S100Z: variants seen among roughly 807,000 people sequenced by gnomAD.
S100Z encodes the protein protein S100-Z.
A neutral mutation model predicts 8.5 loss-of-function variants in S100Z; 11 were observed. The observed-to-expected ratio is 1.30, with a 90% CI of 0.82 to 2.15. S100Z has a LOEUF of 2.15. Among genes scored for constraint, S100Z ranks in the 30% most tolerant of loss-of-function variants. S100Z has a pLI of 0.00. For synonymous variants in S100Z, 34 were observed against 43.8 expected, an observed-to-expected ratio of 0.78 and a Z score of 0.89; for missense variants, 126 against 117.9, an observed-to-expected ratio of 1.07 and a Z score of -0.32.
At chr5:76,941,801 C>G in the S100Z span, among the ~76,000 whole-genome samples, 47 of 152,232 alleles carry the variant, frequency 3.1e-4, 1 homozygote, top group East Asian at 3.9e-4. Flanking sequence ...TATGCTCCCC[C>G]CCCTTGATGG....
chr5:76,901,189 G>A (rs771737610), intron 4 of S100Z, among the ~76,000 whole-genome samples: 6 of 152,170 alleles, frequency 3.9e-5, no homozygotes, highest in Admixed American at 1.3e-4. Context: ...AGCCAGCATA[G>A]CACTGGATCT....
At position 76,890,165 on chromosome 5, in the gene S100Z, AG is replaced by A. The variant is rs1743807829; in HGVS notation, c.*2+12333del. Among the ~76,000 whole-genome samples, 3 of 152,278 alleles carry A rather than the reference AG, an allele frequency of 2.0e-5. No individual in the cohort carries two copies. In the South Asian group the frequency reaches 6.2e-4, roughly 32 times the overall value. ...CAGCCTCCTGAGTAGCTGGGACTACAGGTGCATACAACCATGCCTGGCTAAT... is the reference window on the plus strand; with the variant it reads ...CAGCCTCCTGAGTAGCTGGGACTACAGTGCATACAACCATGCCTGGCTAAT... On this transcript the variant is annotated intron_variant, in intron 4 of 4. Transcript: ENST00000317593.
chr5:76,869,483 A>C (rs571092856), intron 1 of S100Z, among the ~76,000 whole-genome samples: 8 of 152,160 alleles, frequency 5.3e-5, no homozygotes, highest in Non-Finnish European at 1.0e-4. Flanking sequence ...GGCATGGAAG[A>C]ATGGGAGCTC....
intron 4 of S100Z, among the ~76,000 whole-genome samples, chr5:76,907,404 C>T (rs545402551): frequency 3.3e-5 from 5 of 151,976 alleles, no homozygotes; most frequent in African/African-American, 4.8e-5. Flanking sequence ...CCCTGGTTCA[C>T]GCCATTCTCC....
At chr5:76,934,681 C>T in the S100Z span, among the ~76,000 whole-genome samples, 173 of 152,318 alleles carry the variant, frequency 1.1e-3, no homozygotes, top group African/African-American at 3.9e-3. Context: ...GTGTTCCTCT[C>T]CTTCAGAGGA....
intron 4 of S100Z, among the ~76,000 whole-genome samples, chr5:76,889,271 T>C (rs915039857): frequency 1.3e-5 from 2 of 152,230 alleles, no homozygotes; most frequent in Non-Finnish European, 2.9e-5. Flanking sequence ...ACTTCACGTA[T>C]GTCTGTGTTG....
At chr5:76,863,248 T>A (rs989505455) in intron 1 of S100Z, among the ~76,000 whole-genome samples, 2 of 152,226 alleles carry the variant, frequency 1.3e-5, no homozygotes, top group Non-Finnish European at 2.9e-5. Context: ...TCTACTTCAT[T>A]GTCTGAATTG....
chr5:76,917,958 A>T (rs956327143), intron 4 of S100Z, among the ~76,000 whole-genome samples: 8 of 152,196 alleles, frequency 5.3e-5, no homozygotes, highest in Non-Finnish European at 1.2e-4. Flanking sequence ...TGCTCTTACA[A>T]ATAGTTCTAC....
At chr5:76,867,583 AC>A (rs1238166147) in intron 1 of S100Z, among the ~76,000 whole-genome samples, 7 of 127,724 alleles carry the variant, frequency 5.5e-5, no homozygotes, top group Non-Finnish European at 8.4e-5. Flanking sequence ...AATCATCCTT[AC>A]TTTTTTTTTT....
At chr5:76,895,765 C>CTTTTTTTTTTTTTTTTTTTTTTT (rs57723242) in intron 4 of S100Z, among the ~76,000 whole-genome samples, 4 of 88,336 alleles carry the variant, frequency 4.5e-5, no homozygotes, top group East Asian at 3.7e-4. Context: ...TCTTTTCTTC[C>CTTTTTTTTTTTTTTTTTTTTTTT]TTTTTTTTTT....
intron 1 of S100Z, among the ~76,000 whole-genome samples, chr5:76,868,621 C>CTT (rs1491448169): frequency 8.2e-6 from 1 of 121,822 alleles, no homozygotes; most frequent in African/African-American, 3.1e-5. Flanking sequence ...CAAATTCAAA[C>CTT]TCTTTTTTTT....
At chr5:76,949,606 C>T in the S100Z span, among the ~76,000 whole-genome samples, 1 of 152,112 alleles carries the variant, frequency 6.6e-6, no homozygotes, top group Non-Finnish European at 1.5e-5. Flanking sequence ...TATATACATA[C>T]AATGGAATAT....
intron 4 of S100Z, among the ~76,000 whole-genome samples, chr5:76,892,598 G>A (rs1341088016): frequency 1.3e-5 from 2 of 152,128 alleles, no homozygotes; most frequent in African/African-American, 4.8e-5. Context: ...TCCAAAGAGG[G>A]TTTGGGGACT....
downstream of S100Z, among the ~76,000 whole-genome samples, chr5:76,924,332 C>T (rs1447110755): frequency 6.6e-6 from 1 of 152,132 alleles, no homozygotes; most frequent in East Asian, 1.9e-4. Context: ...TTCCCTTGTG[C>T]TTATGTGTGT....
intron 4 of S100Z, among the ~76,000 whole-genome samples, chr5:76,919,739 T>C (rs763643461): frequency 6.6e-6 from 1 of 151,636 alleles, no homozygotes; most frequent in Non-Finnish European, 1.5e-5. Context: ...CCCGAGTAGC[T>C]GGGACTACAA....
intron 1 of S100Z, among the ~76,000 whole-genome samples, chr5:76,853,115 G>A (rs931868633): frequency 2.0e-5 from 3 of 152,190 alleles, no homozygotes; most frequent in Non-Finnish European, 4.4e-5. Context: ...ACAATTCTAG[G>A]AGGGGCCAAT....
At chr5:76,901,983 A>G (rs1744245761) in intron 4 of S100Z, among the ~76,000 whole-genome samples, 1 of 152,106 alleles carries the variant, frequency 6.6e-6, no homozygotes, top group Non-Finnish European at 1.5e-5. Context: ...CTCCTGGCCC[A>G]AAGTGTGTCT....
chr5:76,939,499 A>C, the S100Z span, among the ~76,000 whole-genome samples: 1 of 140,202 alleles, frequency 7.1e-6, no homozygotes, highest in Non-Finnish European at 1.5e-5. Flanking sequence ...AATAGTATGA[A>C]ACAAAATTGG....
At chr5:76,934,781 C>T in the S100Z span, among the ~76,000 whole-genome samples, 21 of 152,244 alleles carry the variant, frequency 1.4e-4, no homozygotes, top group South Asian at 3.5e-3. Flanking sequence ...TCCCAGACTT[C>T]AGAACAGTGA....
Sources: allele counts gnomAD v4.1 joint callset (sites outside exome capture counted in the v4.1 genomes callset), GRCh38; gene constraint gnomAD v4.1.1; transcripts MANE v1.5; gene names NCBI Gene and HGNC (gene_info 2026-07-23, HGNC 2026-07-21).